The following PPM1L variants were observed in gnomAD, a reference collection of about 807,000 sequenced individuals.
The protein encoded by PPM1L is protein phosphatase, Mg2+/Mn2+ dependent 1L.
In PPM1L, 13 loss-of-function variants were observed where a neutral mutation model predicts 31.4. That is an observed-to-expected ratio of 0.41 (90% confidence interval 0.27 to 0.66). The LOEUF (loss-of-function observed/expected upper bound fraction) is 0.66. PPM1L is among the 30% of genes least tolerant of loss of function. The pLI is 0.29. For missense variants in PPM1L, 326 were observed against 453.7 expected (o/e 0.72, Z 2.56); for synonymous variants, 184 against 175.4 (o/e 1.05, Z -0.39).
chr3:161,068,305 C>T (rs905575003), intron 3 of PPM1L, among the ~76,000 whole-genome samples: 3 of 152,194 alleles, frequency 2.0e-5, no homozygotes, highest in Non-Finnish European at 4.4e-5. Flanking sequence ...AGTAGTCTGA[C>T]CTGAGCCTTT....
intron 2 of PPM1L, among the ~76,000 whole-genome samples, chr3:161,009,055 G>A (rs1476480105): frequency 6.6e-6 from 1 of 152,208 alleles, no homozygotes; most frequent in Admixed American, 6.5e-5. Flanking sequence ...GCCGCAGACA[G>A]GGAAGAAAAG....
intron 1 of PPM1L, among the ~76,000 whole-genome samples, chr3:160,927,197 A>G (rs1714624052): frequency 6.6e-6 from 1 of 152,332 alleles, no homozygotes; most frequent in South Asian, 2.1e-4. Context: ...TAATACACCA[A>G]CGTCAACAAA....
chr3:161,018,200 C>T lies in PPM1L; in HGVS notation c.575-47203C>T, dbSNP rs538000413. ...CTGTGCAGGGACTCCTTAGGAAGGC[C>T]ATCTTTATAGAATTCTCCATGGTGG... On this transcript the variant is annotated intron_variant, in intron 2 of 3. Transcript: ENST00000498165. Among the ~76,000 whole-genome samples the T allele has an allele frequency of 9.9e-5, 15 of 152,226 alleles. No individual in the cohort carries two copies. The Middle Eastern group carries it at 0.014, about 138-fold the overall frequency.
chr3:160,757,113 G>A (rs75985080), intron 1 of PPM1L, among the ~76,000 whole-genome samples: 4,090 of 152,306 alleles, frequency 0.027, 191 homozygotes, highest in African/African-American at 0.094. Context: ...ACTAGGCACA[G>A]AGAAGGAAGA....
intron 1 of PPM1L, among the ~76,000 whole-genome samples, chr3:160,839,234 G>C (rs1458596507): frequency 6.6e-6 from 1 of 152,214 alleles, no homozygotes. Context: ...CAACTTATTT[G>C]TAATTATGTT....
intron 1 of PPM1L, among the ~76,000 whole-genome samples, chr3:160,940,961 C>A (rs1031718905): frequency 6.6e-6 from 1 of 152,188 alleles, no homozygotes; most frequent in African/African-American, 2.4e-5. Flanking sequence ...CCCTTTAAAA[C>A]CACAGGGGTG....
chr3:161,068,431 G>A (rs1357357826), intron 3 of PPM1L, among the ~76,000 whole-genome samples: 6 of 152,048 alleles, frequency 3.9e-5, no homozygotes, highest in East Asian at 3.9e-4. Flanking sequence ...TGATATATAC[G>A]GTGCCTGTTC....
intron 1 of PPM1L, among the ~76,000 whole-genome samples, chr3:160,953,323 G>A (rs1715632571): frequency 6.6e-6 from 1 of 151,970 alleles, no homozygotes. Context: ...CTTAGAATTG[G>A]TAATAAAATA....
chr3:160,947,233 G>T (rs1414548639), intron 1 of PPM1L, among the ~76,000 whole-genome samples: 2 of 152,102 alleles, frequency 1.3e-5, no homozygotes, highest in African/African-American at 2.4e-5. Flanking sequence ...GTTTTAGCTG[G>T]GCAAATGTAG....
At chr3:160,925,921 G>A (rs1469521878) in intron 1 of PPM1L, among the ~76,000 whole-genome samples, 1 of 152,168 alleles carries the variant, frequency 6.6e-6, no homozygotes, top group Non-Finnish European at 1.5e-5. Flanking sequence ...GGTGATGGTG[G>A]TGGATATTCT....
intron 1 of PPM1L, among the ~76,000 whole-genome samples, chr3:160,784,615 G>A (rs1452948672): frequency 1.3e-5 from 2 of 152,192 alleles, no homozygotes; most frequent in African/African-American, 2.4e-5. Context: ...ATCTACAAAA[G>A]GCTGGACTTA....
In PPM1L at chr3:161,039,721, T is replaced by C. The variant is rs1718852928; in HGVS notation, c.575-25682T>C. Among the ~76,000 whole-genome samples, 4 of 152,054 alleles carry C rather than the reference T, an allele frequency of 2.6e-5. No individual in the cohort carries two copies. In the South Asian group the frequency reaches 8.3e-4, roughly 32 times the overall value. On this transcript the variant is annotated intron_variant, in intron 2 of 3. Coordinates refer to ENST00000498165, the MANE Select transcript of PPM1L (RefSeq NM_139245.4). ...TATTTTTAATAGAGACGGGTTTCAC[T>C]GTGTTAGGATGGTCTCCATCTCCTG...
intron 1 of PPM1L, among the ~76,000 whole-genome samples, chr3:160,949,009 C>T (rs1456870342): frequency 6.6e-6 from 1 of 152,050 alleles, no homozygotes. Flanking sequence ...ATTCTAGAGT[C>T]CTACCCTAAA....
intron 1 of PPM1L, among the ~76,000 whole-genome samples, chr3:160,885,679 C>T (rs1034241574): frequency 8.5e-5 from 13 of 152,216 alleles, no homozygotes; most frequent in Non-Finnish European, 4.4e-5. Flanking sequence ...GCTACCTAGC[C>T]GGGGAAACTG....
intron 1 of PPM1L, among the ~76,000 whole-genome samples, chr3:160,814,573 G>GTA (rs761093753): frequency 9.5e-4 from 83 of 87,296 alleles, no homozygotes; most frequent in Non-Finnish European, 1.0e-3. Flanking sequence ...GTATGTATGT[G>GTA]TATATATATA....
rs540234367 is a variant in PPM1L, at chr3:160,999,919, C to T, written c.574+38009C>T. Among the ~76,000 whole-genome samples, 8 of 152,300 alleles carry T rather than the reference C, an allele frequency of 5.3e-5. No individual in the cohort carries two copies. In the South Asian group the frequency reaches 1.5e-3, roughly 28 times the overall value. ...AGTATGCATACAACGCTTAATGTGG[C>T]GGTTATTACGGCTGAAAATCTTGGA... On this transcript the variant is annotated intron_variant, in intron 2 of 3. Coordinates refer to ENST00000498165, the MANE Select transcript of PPM1L (RefSeq NM_139245.4).
At chr3:160,808,505 C>T (rs1329875868) in intron 1 of PPM1L, among the ~76,000 whole-genome samples, 1 of 152,006 alleles carries the variant, frequency 6.6e-6, no homozygotes, top group Non-Finnish European at 1.5e-5. Context: ...CTGAGGAGCC[C>T]TGGCCTATAG....
chr3:160,779,884 C>T (rs1711685085), intron 1 of PPM1L, among the ~76,000 whole-genome samples: 1 of 152,050 alleles, frequency 6.6e-6, no homozygotes, highest in African/African-American at 2.4e-5. Flanking sequence ...GTTTTCTAGG[C>T]CTGAGTTTCT....
chr3:160,874,814 G>C (rs1333567950), intron 1 of PPM1L, among the ~76,000 whole-genome samples: 1 of 152,176 alleles, frequency 6.6e-6, no homozygotes, highest in East Asian at 1.9e-4. Flanking sequence ...TGCCATATTA[G>C]AGAGAGCACA....
Sources: allele counts gnomAD v4.1 joint callset (sites outside exome capture counted in the v4.1 genomes callset), GRCh38; gene constraint gnomAD v4.1.1; transcripts MANE v1.5; gene names NCBI Gene and HGNC (gene_info 2026-07-23, HGNC 2026-07-21).